ALMS1: variants seen among roughly 807,000 people sequenced by gnomAD.
The protein encoded by ALMS1 is centrosome-associated protein ALMS1.
In ALMS1, 271 loss-of-function variants were observed where a neutral mutation model predicts 352.2. The ratio of observed to expected loss-of-function variants is 0.77; its 90% CI spans 0.70 to 0.85. The LOEUF is 0.85. Ranked by LOEUF, ALMS1 falls within the 40% of genes least tolerant of loss-of-function variation. ALMS1 has a pLI of 0.00. For synonymous variants in ALMS1, 1,865 were observed against 1,761.2 expected, an observed-to-expected ratio of 1.06 and a Z score of -1.48; for missense variants, 5,445 against 4,870.7, an observed-to-expected ratio of 1.12 and a Z score of -3.51.
intron 6 of ALMS1, among the ~76,000 whole-genome samples, chr2:73,431,660 G>A (rs1305533752): frequency 6.6e-6 from 1 of 152,086 alleles, no homozygotes; most frequent in African/African-American, 2.4e-5. Context: ...AGAAGTTTGA[G>A]GACTTATGCT....
At chr2:73,513,452 G>A (rs1673493492) in intron 10 of ALMS1, among the ~76,000 whole-genome samples, 1 of 152,066 alleles carries the variant, frequency 6.6e-6, no homozygotes, top group South Asian at 2.1e-4. Flanking sequence ...TTTGACTCAA[G>A]ATGTCAGGCT....
Position 73,609,767 on chromosome 2 carries a change from A to G in ALMS1, c.*155A>G. 1 of 760,494 alleles carries G rather than the reference A, an allele frequency of 1.3e-6. No homozygotes were observed. The highest frequency in any genetic ancestry group is 2.3e-5 in the Admixed American group (1 of 43,218). 47.1% of individuals were successfully genotyped at this position (760,494 alleles called of 1,614,324 possible). On this transcript the variant is annotated 3_prime_UTR_variant, in exon 23 of 23. Transcript: ENST00000613296. ...CTAAAGAGTCTGGAACAAAGTGGTGATTAAAATTCCTAATGGTTTGGGAGC... is the reference window on the plus strand; with the variant it reads ...CTAAAGAGTCTGGAACAAAGTGGTGGTTAAAATTCCTAATGGTTTGGGAGC...
rs1553421696 is a variant in ALMS1 at position 73,601,188 on chromosome 2, C to T, written c.11873-7C>T. 2.5e-6 allele frequency: 4 copies of T among 1,614,038 alleles called. No individual in the cohort carries two copies. Among genetic ancestry groups the T allele is most frequent in the Non-Finnish European group, 3.4e-6 (4 of 1,180,018 alleles). The stretch of plus-strand genomic sequence containing the variant: ...TCTGTGTTCCTTCTAAAAACTGTTT[C>T]CTGTAGGAGTTTCCTGGTTTGTTCC... On this transcript the variant is annotated splice_polypyrimidine_tract_variant and splice_region_variant and intron_variant, in intron 18 of 22. Coordinates refer to ENST00000613296, the MANE Select transcript of ALMS1 (RefSeq NM_001378454.1).
intron 11 of ALMS1, among the ~76,000 whole-genome samples, chr2:73,524,670 C>G (rs537073903): frequency 1.3e-5 from 2 of 152,072 alleles, no homozygotes; most frequent in Non-Finnish European, 2.9e-5. Context: ...CCAGGCTGGT[C>G]TCGAACTCCT....
intron 3 of ALMS1, among the ~76,000 whole-genome samples, chr2:73,421,683 G>T (rs6705489): frequency 0.3 from 45,412 of 151,926 alleles, 8,307 homozygotes; most frequent in African/African-American, 0.52. Flanking sequence ...ATGGGAAGTG[G>T]ATAGACTGAA....
chr2:73,406,519 A>C (rs1670976610), intron 1 of ALMS1, among the ~76,000 whole-genome samples: 1 of 141,336 alleles, frequency 7.1e-6, no homozygotes, highest in Non-Finnish European at 1.5e-5. Context: ...GTGTTTAGTC[A>C]ATTTTTTTGG....
rs2103675459 is a variant in ALMS1, at chr2:73,408,636, C to T, written c.339C>T (p.Thr113=). The T allele has an allele frequency of 6.2e-7, 1 of 1,613,018 alleles. No homozygotes were observed. The highest frequency in any genetic ancestry group is 8.5e-7 in the Non-Finnish European group (1 of 1,179,430). Residue 113 remains threonine, a synonymous_variant, in exon 2 of 23, where the codon ACC becomes ACT. Coordinates refer to ENST00000613296, the MANE Select transcript of ALMS1 (RefSeq NM_001378454.1). ...TTGATTTTCAGATTGTTCCATTGAC[C>T]TGTCATGTATGGCAACAGATAGTAT... The part of the protein sequence containing the change: ...RTSLEKIVPL[T]CHVWQQIVYQ...
chr2:73,561,196 G>A (rs1398987452), intron 15 of ALMS1, among the ~76,000 whole-genome samples: 1 of 152,258 alleles, frequency 6.6e-6, no homozygotes, highest in African/African-American at 2.4e-5. Flanking sequence ...CCAGGCAGCT[G>A]TAGTTCAGGC....
intron 7 of ALMS1, among the ~76,000 whole-genome samples, chr2:73,433,940 A>T (rs1671559831): frequency 6.6e-6 from 1 of 152,134 alleles, no homozygotes; most frequent in Non-Finnish European, 1.5e-5. Context: ...CAGTAAGGTT[A>T]GTTACAATGC....
chr2:73,528,120 T>C lies in ALMS1; in HGVS notation c.9782-6704T>C, dbSNP rs549482152. Among the ~76,000 whole-genome samples, 5 of 152,346 alleles carry C rather than the reference T, an allele frequency of 3.3e-5. No individual in the cohort carries two copies. In the South Asian group the frequency reaches 8.3e-4, roughly 25 times the overall value. The stretch of plus-strand genomic sequence containing the variant: ...TTGTGATCAGAGAAATGACTTGATA[T>C]AATTACAATTATTTTTGAATTTTTG... On this transcript the variant is annotated intron_variant, in intron 11 of 22. Coordinates refer to ENST00000613296, the MANE Select transcript of ALMS1 (RefSeq NM_001378454.1).
chr2:73,487,459 C>G (rs768127317), intron 9 of ALMS1, among the ~76,000 whole-genome samples: 1 of 152,162 alleles, frequency 6.6e-6, no homozygotes, highest in Non-Finnish European at 1.5e-5. Flanking sequence ...GTGGTGGCAA[C>G]TGGAAGCTTG....
chr2:73,482,322 T>C (rs564169561), intron 9 of ALMS1, among the ~76,000 whole-genome samples: 1 of 152,322 alleles, frequency 6.6e-6, no homozygotes, highest in Admixed American at 6.5e-5. Flanking sequence ...TTTTTCTGCA[T>C]CTATTGAGAA....
intron 9 of ALMS1, among the ~76,000 whole-genome samples, chr2:73,465,899 G>C (rs559638423): frequency 0.016 from 2,469 of 152,258 alleles, 63 homozygotes; most frequent in African/African-American, 0.056. Context: ...CATCATCACT[G>C]GACATCAGAG....
chr2:73,538,760 C>G (rs998497363), intron 12 of ALMS1, among the ~76,000 whole-genome samples: 1 of 152,206 alleles, frequency 6.6e-6, no homozygotes, highest in East Asian at 1.9e-4. Flanking sequence ...CTCGGAGGAT[C>G]CTACGCCCAC....
In ALMS1 at chr2:73,431,349, A is replaced by C. The variant is rs144109812; in HGVS notation, c.1339-849A>C. On this transcript the variant is annotated intron_variant, in intron 6 of 22. Coordinates refer to ENST00000613296, the MANE Select transcript of ALMS1 (RefSeq NM_001378454.1). ...TTCATTACTACACAATGAAAAATTG[A>C]TGAAAGAGGATAGAAAAATTCATGC... Among the ~76,000 whole-genome samples, 177 of 152,342 alleles carry C rather than the reference A, an allele frequency of 1.2e-3. 3 individuals carry two copies. The East Asian group carries it at 0.031, about 26-fold the overall frequency.
intron 11 of ALMS1, among the ~76,000 whole-genome samples, chr2:73,532,334 G>A (rs950481185): frequency 1.3e-5 from 2 of 152,336 alleles, no homozygotes; most frequent in African/African-American, 2.4e-5. Context: ...TCAGGGTGGC[G>A]ATTTCCCCCT....
At chr2:73,603,458 A>G in intron 21 of ALMS1, 154 bp downstream of exon 21, 2 of 696,522 alleles carry the variant, frequency 2.9e-6, no homozygotes, top group Non-Finnish European at 5.0e-6. Context: ...GGCACTGAAA[A>G]AAAAAAAAGC....
At chr2:73,598,234 T>A (rs1675594032) in intron 16 of ALMS1, among the ~76,000 whole-genome samples, 1 of 152,252 alleles carries the variant, frequency 6.6e-6, no homozygotes, top group Non-Finnish European at 1.5e-5. Flanking sequence ...TATGGTATGC[T>A]ATGTATTCTT....
chr2:73,464,947 G>T (rs544159415), intron 9 of ALMS1, among the ~76,000 whole-genome samples: 2,486 of 152,196 alleles, frequency 0.016, 50 homozygotes, highest in African/African-American at 0.056. Context: ...AATAAAAGAG[G>T]ATACAAACAA....
Sources: allele counts gnomAD v4.1 joint callset (sites outside exome capture counted in the v4.1 genomes callset), GRCh38; gene constraint gnomAD v4.1.1; transcripts MANE v1.5; gene names NCBI Gene and HGNC (gene_info 2026-07-23, HGNC 2026-07-21).